Variants in ZBTB11 observed in about 807,000 individuals in gnomAD.
ZBTB11 encodes zinc finger and BTB domain-containing protein 11.
ZBTB11 carries 68 observed loss-of-function variants against 113.1 expected under a neutral mutation model. The ratio of observed to expected loss-of-function variants is 0.60; its 90% confidence interval spans 0.49 to 0.74. ZBTB11 has a LOEUF of 0.74. Ranked by LOEUF, ZBTB11 falls within the 30% of genes least tolerant of loss-of-function variation. ZBTB11 has a pLI of 0.00. For missense variants in ZBTB11, 1,104 were observed against 1,279.4 expected, an observed-to-expected ratio of 0.86 and a Z score of 2.09; for synonymous variants, 518 against 452.6, an observed-to-expected ratio of 1.14 and a Z score of -1.83.
intron 1 of ZBTB11, chr3:101,676,371 A>C: frequency 1.0e-5 from 4 of 393,232 alleles, no homozygotes; most frequent in Middle Eastern, 6.8e-4. Context: ...CCTCCGGGGA[A>C]GCCCCCTTGG....
At chr3:101,651,792 T>A (rs1261992830) in intron 10 of ZBTB11, 109 bp from the exon 11 acceptor site, 6 of 1,158,398 alleles carry the variant, frequency 5.2e-6, no homozygotes, top group Non-Finnish European at 7.0e-6. Context: ...TCATAAGCCT[T>A]TCTATCTGGA....
At position 101,649,144 on chromosome 3, in the gene ZBTB11, G is replaced by A. The variant is rs778769233; in HGVS notation, c.*2022C>T. ...TAGGGTTTATATGGATACAGGATAG[G>A]AGGGCGTGGTGGGCCAAAAGGCAAC... On this transcript the variant is annotated 3_prime_UTR_variant, in exon 11 of 11. Coordinates refer to ENST00000312938, the MANE Select transcript of ZBTB11 (RefSeq NM_014415.4). The A allele has an allele frequency of 1.3e-5, 2 of 152,170 alleles. No homozygotes were observed. The highest frequency in any genetic ancestry group is 2.9e-5 in the Non-Finnish European group (2 of 68,040). The allele number at this position is 152,170 out of a possible 1,614,324, so 9.4% of individuals were successfully genotyped here. A position where few individuals can be genotyped will look rare whatever the true frequency, so the allele number is the denominator to read the frequency against.
chr3:101,668,620 CAAA>C (rs35363315), intron 3 of ZBTB11, among the ~76,000 whole-genome samples: 3 of 117,714 alleles, frequency 2.5e-5, no homozygotes, highest in Non-Finnish European at 3.5e-5. Context: ...AAGATTCTGT[CAAA>C]AAAAAAAAAA....
At chr3:101,655,921 A>G (rs1576644517) in intron 7 of ZBTB11, 183 bp downstream of exon 7, 1 of 322,850 alleles carries the variant, frequency 3.1e-6, no homozygotes, top group Non-Finnish European at 5.4e-6. Flanking sequence ...CGGCCTCCCA[A>G]AGTGCTGGGG....
At chr3:101,655,940 C>T (rs1258754647) in intron 7 of ZBTB11, 164 bp downstream of exon 7, 1 of 447,118 alleles carries the variant, frequency 2.2e-6, no homozygotes, top group East Asian at 5.1e-5. Flanking sequence ...GGATTACAGG[C>T]GTGAGCCACC....
Position 101,651,071 on chromosome 3 carries a change from A to T in ZBTB11, c.*95T>A. The stretch of plus-strand genomic sequence containing the variant: ...CAAACAGCCCAGAACTTTGATATGT[A>T]AACTCCAAGCAGACAGTCACACAGA... On this transcript the variant is annotated 3_prime_UTR_variant, in exon 11 of 11. Coordinates refer to ENST00000312938, the MANE Select transcript of ZBTB11 (RefSeq NM_014415.4). The T allele has an allele frequency of 1.4e-6, 2 of 1,413,668 alleles. No homozygotes were observed. The allele number at this position is 1,413,668 out of a possible 1,614,324, so 87.6% of individuals were successfully genotyped here.
intron 5 of ZBTB11, chr3:101,662,036 T>C (rs1936897393): frequency 6.6e-6 from 1 of 151,984 alleles, no homozygotes; most frequent in Non-Finnish European, 1.5e-5. Context: ...TTTATATTAA[T>C]AAAATTTTTT....
At chr3:101,652,267 A>C (rs575185841) in intron 10 of ZBTB11, among the ~76,000 whole-genome samples, 1 of 152,220 alleles carries the variant, frequency 6.6e-6, no homozygotes, top group Non-Finnish European at 1.5e-5. Flanking sequence ...AGAGGCTTCA[A>C]ATAGTTTAGT....
Position 101,676,996 on chromosome 3 carries a change from G to T in ZBTB11, c.-82C>A. Reference sequence around the variant, plus strand: ...CTACCTACGGGCGGCTGCAGGAGGAGCGGCGGCACCGTAGGGAGAAACGGC... The same window carrying T: ...CTACCTACGGGCGGCTGCAGGAGGATCGGCGGCACCGTAGGGAGAAACGGC... On this transcript the variant is annotated 5_prime_UTR_variant, in exon 1 of 11. Transcript: ENST00000312938. 1 of 1,435,264 alleles carries T rather than the reference G, an allele frequency of 7.0e-7. No individual in the cohort carries two copies. Among genetic ancestry groups the T allele is most frequent in the Non-Finnish European group, 9.3e-7 (1 of 1,080,114 alleles). 88.9% of individuals were successfully genotyped at this position (1,435,264 alleles called of 1,614,324 possible).
rs529584889 is a variant in ZBTB11, at chr3:101,657,145, A to C, written c.2047-897T>G. On this transcript the variant is annotated intron_variant, in intron 6 of 10. Transcript: ENST00000312938. ...GACAGAGCAAGAATCAGTCTCAAAA[A>C]AAAAAAAAAAACAAAAAACCCATAA... Among the ~76,000 whole-genome samples, 113 of 150,972 alleles carry C rather than the reference A, an allele frequency of 7.5e-4. 1 individual carries two copies. The highest frequency in any genetic ancestry group is 2.5e-3 in the African/African-American group (101 of 41,200).
At chr3:101,668,092 T>C (rs1321576754) in intron 3 of ZBTB11, among the ~76,000 whole-genome samples, 1 of 150,982 alleles carries the variant, frequency 6.6e-6, no homozygotes, top group African/African-American at 2.4e-5. Context: ...GCTAAGTAAG[T>C]CAAGGACAGA....
At chr3:101,673,384 C>T (rs1937112081) in intron 1 of ZBTB11, among the ~76,000 whole-genome samples, 1 of 152,116 alleles carries the variant, frequency 6.6e-6, no homozygotes, top group South Asian at 2.1e-4. Context: ...TTGTCCATTC[C>T]TAGGGCAGAA....
At chr3:101,676,499 A>G in intron 1 of ZBTB11, 106 bp downstream of exon 1, 3 of 1,195,762 alleles carry the variant, frequency 2.5e-6, no homozygotes, top group South Asian at 2.0e-5. Flanking sequence ...CGCCGCCCAG[A>G]GGCGTCCGAG....
intron 1 of ZBTB11, among the ~76,000 whole-genome samples, chr3:101,674,096 G>A (rs945804870): frequency 1.5e-4 from 23 of 150,406 alleles, no homozygotes; most frequent in African/African-American, 5.2e-4. Flanking sequence ...CACACTTTGG[G>A]AGGCTGAGGT....
In ZBTB11 at chr3:101,676,741, G is replaced by A. The variant is rs1937182034; in HGVS notation, c.174C>T (p.Thr58=). ...YYQRRQRHRK[T]FAELEVVLQP... ...GCAGCACCACCTCCAGCTCCGCGAA[G>A]GTCTTGCGGTGCCGCTGCCGCCGCT... The change falls in exon 1 of 11, where the codon ACC becomes ACT. Residue 58 remains threonine (T), a synonymous_variant. Transcript: ENST00000312938. 1 of 1,605,984 alleles carries A rather than the reference G, an allele frequency of 6.2e-7. No individual in the cohort carries two copies. The highest frequency in any genetic ancestry group is 1.3e-5 in the African/African-American group (1 of 74,920).
Position 101,651,066 on chromosome 3 carries a change from T to TA in ZBTB11, c.*99dup. Reference sequence around the variant, plus strand: ...GTTACCAAACAGCCCAGAACTTTGATATGTAAACTCCAAGCAGACAGTCAC... The same window carrying TA: ...GTTACCAAACAGCCCAGAACTTTGATAATGTAAACTCCAAGCAGACAGTCAC... On this transcript the variant is annotated 3_prime_UTR_variant, in exon 11 of 11. Coordinates refer to ENST00000312938, the MANE Select transcript of ZBTB11 (RefSeq NM_014415.4). 1.5e-6 allele frequency: 2 copies of TA among 1,372,836 alleles called. No individual in the cohort carries two copies. The highest frequency in any genetic ancestry group is 2.0e-6 in the Non-Finnish European group (2 of 1,023,618). 85.0% of individuals were successfully genotyped at this position (1,372,836 alleles called of 1,614,324 possible).
rs745684352 is a variant in ZBTB11 at position 101,665,097 on chromosome 3, C to A, written c.1490G>T (p.Gly497Val). ...GCTTCTATAAGTATCATCATCAGGG[C>A]CAAAGTCTGTCTTTGCTGTTGATGC... ...LVASTAKTDF[G>V]PDDDTYRSRL... The change falls in exon 4 of 11, where the codon GGC becomes GTC. Residue 497 changes from glycine to valine, a missense_variant. Coordinates refer to ENST00000312938, the MANE Select transcript of ZBTB11 (RefSeq NM_014415.4). 2 of 1,613,940 alleles carry A rather than the reference C, an allele frequency of 1.2e-6. No homozygotes were observed. Among genetic ancestry groups the A allele is most frequent in the Non-Finnish European group, 8.5e-7 (1 of 1,180,018 alleles).
At chr3:101,668,630 A>AT (rs1439348188) in intron 3 of ZBTB11, among the ~76,000 whole-genome samples, 20 of 151,794 alleles carry the variant, frequency 1.3e-4, no homozygotes, top group South Asian at 8.3e-4. Context: ...CAAAAAAAAA[A>AT]AAAAAGGGCT....
At chr3:101,658,228 T>C (rs1232813952) in intron 6 of ZBTB11, among the ~76,000 whole-genome samples, 1 of 129,368 alleles carries the variant, frequency 7.7e-6, no homozygotes, top group Non-Finnish European at 1.5e-5. Context: ...TAAAAATTAA[T>C]TTTTTTTTTT....
Sources: gnomAD v4.1 joint callset for allele counts (sites outside exome capture counted in the v4.1 genomes callset) on GRCh38, gnomAD v4.1.1 for gene constraint, MANE v1.5 for transcripts, NCBI Gene and HGNC (gene_info 2026-07-23, HGNC 2026-07-21) for gene names.